The following CPNE2 variants were observed in gnomAD, a reference collection of about 807,000 sequenced individuals.
CPNE2 encodes copine 2, also known as copine-2.
In CPNE2, 42 loss-of-function variants were observed where a neutral mutation model predicts 69.7. The ratio of observed to expected loss-of-function variants is 0.60; its 90% CI spans 0.47 to 0.78. CPNE2 has a LOEUF of 0.78. CPNE2 is among the 30% of genes least tolerant of loss of function. The probability of loss-of-function intolerance (pLI) is 0.00; values close to 1 mark genes in which losing one functional copy is unlikely to be tolerated. For synonymous variants in CPNE2, 294 were observed against 289.8 expected (o/e 1.01, Z -0.15); for missense variants, 587 against 732.0 (o/e 0.80, Z 2.29).
At position 57,110,832 on chromosome 16, in the gene CPNE2, G is replaced by A. The variant is rs2069676933; in HGVS notation, c.90G>A (p.Val30=). 2 of 1,614,028 alleles carry A rather than the reference G, an allele frequency of 1.2e-6. No homozygotes were observed. The highest frequency in any genetic ancestry group is 1.7e-6 in the Non-Finnish European group (2 of 1,179,926). The change falls in exon 2 of 16, where the codon GTG becomes GTA. Residue 30 remains valine, a synonymous_variant. Coordinates refer to ENST00000290776, the MANE Select transcript of CPNE2 (RefSeq NM_152727.6). ...GCGTGTGCAAGGTGGAGCTGTCAGT[G>A]AGTGGCCAGAACCTACTGGACCGGG... ...QYCVCKVELS[V]SGQNLLDRDV... is the part of the protein sequence containing the mutation.
chr16:57,128,286 G>A (rs1403238318), intron 12 of CPNE2, among the ~76,000 whole-genome samples: 1 of 152,122 alleles, frequency 6.6e-6, no homozygotes, highest in Non-Finnish European at 1.5e-5. Context: ...CTGGAGTGCA[G>A]TGGCACAATC....
chr16:57,102,684 C>T (rs565107572), intron 1 of CPNE2, among the ~76,000 whole-genome samples: 66 of 152,068 alleles, frequency 4.3e-4, no homozygotes, highest in African/African-American at 1.5e-3. Flanking sequence ...TCATTGCAAC[C>T]TCCACTTCCC....
At chr16:57,118,332 A>ATTTTTT (rs61283121) in intron 5 of CPNE2, among the ~76,000 whole-genome samples, 8 of 136,606 alleles carry the variant, frequency 5.9e-5, no homozygotes, top group East Asian at 2.1e-4. Context: ...CGCCCAGCTA[A>ATTTTTT]TTTTTTTTTT....
intron 12 of CPNE2, 77 bp downstream of exon 12, chr16:57,127,980 A>T: frequency 6.7e-7 from 1 of 1,487,054 alleles, no homozygotes; most frequent in South Asian, 1.1e-5. Context: ...TCAGCTCTGG[A>T]AAGGTCTTGG....
chr16:57,117,554 G>A lies in CPNE2; in HGVS notation c.494G>A (p.Arg165Lys), dbSNP rs147161575. 1.2e-5 allele frequency: 19 copies of A among 1,613,894 alleles called. No homozygotes were observed. In the African/African-American group the frequency reaches 2.5e-4, roughly 22 times the overall value. The change falls in exon 5 of 16, where the codon AGG becomes AAG. Residue 165 changes from arginine (R) to lysine (K), a missense_variant. Arg to Lys is a conservative substitution (Grantham distance 26). Coordinates refer to ENST00000290776, the MANE Select transcript of CPNE2 (RefSeq NM_152727.6). ...ATCACACTAAGCCTGGCGGGCAGGA[G>A]GCTGGACAAGAAGGTAAGGCGGGCA... ...RVITLSLAGR[R>K]LDKKDLFGKS...
At chr16:57,132,207 C>G (rs2069843187) in intron 12 of CPNE2, among the ~76,000 whole-genome samples, 1 of 152,194 alleles carries the variant, frequency 6.6e-6, no homozygotes, top group Non-Finnish European at 1.5e-5. Context: ...CAGTTTCTCC[C>G]TGAGGGTGGC....
At chr16:57,103,508 C>G (rs2069628691) in intron 1 of CPNE2, among the ~76,000 whole-genome samples, 1 of 152,204 alleles carries the variant, frequency 6.6e-6, no homozygotes, top group Admixed American at 6.5e-5. Context: ...ACAGGACATC[C>G]CACTGTGGTC....
chr16:57,135,052 T>G (rs1157737800), intron 13 of CPNE2, among the ~76,000 whole-genome samples: 1 of 152,206 alleles, frequency 6.6e-6, no homozygotes, highest in Non-Finnish European at 1.5e-5. Flanking sequence ...GAAAGGTCAC[T>G]GTACCTCCTG....
intron 1 of CPNE2, among the ~76,000 whole-genome samples, chr16:57,108,131 A>G (rs1336496810): frequency 1.3e-5 from 2 of 152,070 alleles, no homozygotes; most frequent in African/African-American, 4.8e-5. Context: ...GGGCCTCCCA[A>G]AGTGCTGGGA....
At chr16:57,134,027 T>C (rs1283819574) in intron 12 of CPNE2, among the ~76,000 whole-genome samples, 1 of 152,266 alleles carries the variant, frequency 6.6e-6, no homozygotes, top group African/African-American at 2.4e-5. Context: ...GGCACTGCAG[T>C]CTCACCCACA....
intron 13 of CPNE2, among the ~76,000 whole-genome samples, chr16:57,136,168 A>G (rs2069879347): frequency 6.6e-6 from 1 of 152,198 alleles, no homozygotes; most frequent in South Asian, 2.1e-4. Flanking sequence ...TTCTATCATC[A>G]TGAGACCTTT....
In CPNE2 at chr16:57,117,140, C is replaced by T. The variant is rs1490381487; in HGVS notation, c.436-356C>T. ...AGGAAGCTGTGCTCTCTGTGGCTGCCGCAGGGGCAGGAGAAGGCCGGTCAT... is the reference window on the plus strand; with the variant it reads ...AGGAAGCTGTGCTCTCTGTGGCTGCTGCAGGGGCAGGAGAAGGCCGGTCAT... On this transcript the variant is annotated intron_variant, in intron 4 of 15. Coordinates refer to ENST00000290776, the MANE Select transcript of CPNE2 (RefSeq NM_152727.6). Among the ~76,000 whole-genome samples, 8 of 151,976 alleles carry T rather than the reference C, an allele frequency of 5.3e-5. 1 individual carries two copies. Among genetic ancestry groups the T allele is most frequent in the Admixed American group, 2.6e-4 (4 of 15,260 alleles).
At chr16:57,121,047 C>A in intron 7 of CPNE2, 46 bp from the exon 8 acceptor site, 1 of 1,476,492 alleles carries the variant, frequency 6.8e-7, no homozygotes. Flanking sequence ...CTGGAGAGCA[C>A]CTCTTGGGGG....
intron 9 of CPNE2, chr16:57,123,190 A>G: frequency 1.7e-6 from 1 of 571,460 alleles, no homozygotes; most frequent in Non-Finnish European, 3.1e-6. Context: ...GTGTCTGTGT[A>G]TCTGTGGGGT....
intron 1 of CPNE2, among the ~76,000 whole-genome samples, chr16:57,104,512 G>A (rs551154433): frequency 6.6e-6 from 1 of 152,184 alleles, no homozygotes; most frequent in Non-Finnish European, 1.5e-5. Context: ...ATGTGTGCAG[G>A]GGGAGGTGGC....
Position 57,110,850 on chromosome 16 carries a change from G to A in CPNE2, c.108G>A (p.Leu36=). 1 of 1,613,942 alleles carries A rather than the reference G, an allele frequency of 6.2e-7. No individual in the cohort carries two copies. The highest frequency in any genetic ancestry group is 1.3e-5 in the African/African-American group (1 of 75,022). ...TGTCAGTGAGTGGCCAGAACCTACT[G>A]GACCGGGATGTTACCTCCAAGTCCG... The part of the protein sequence containing the change: ...VELSVSGQNL[L]DRDVTSKSDP... Residue 36 remains leucine, a synonymous_variant, in exon 2 of 16, where the codon CTG becomes CTA. Transcript: ENST00000290776.
In CPNE2 at chr16:57,146,351, G is replaced by A. The variant is rs56033855; in HGVS notation, c.1539+30G>A. The A allele has an allele frequency of 2.6e-3, 3,911 of 1,507,898 alleles. 86 individuals are homozygous for A. In the African/African-American group the frequency reaches 0.048, roughly 18 times the overall value. 93.4% of individuals were successfully genotyped at this position (1,507,898 alleles called of 1,614,324 possible). On this transcript the variant is annotated intron_variant, in intron 15 of 15. Coordinates refer to ENST00000290776, the MANE Select transcript of CPNE2 (RefSeq NM_152727.6). This position sits in a 1 kb window ranked among gnomAD's most constrained non-coding sequence, Gnocchi z 4.4. Reference sequence around the variant, plus strand: ...GTGTGGGCCTGGGCTGGGAGGGGGCGGTTACAGGATCCCAGCCACCATAGC... The same window carrying A: ...GTGTGGGCCTGGGCTGGGAGGGGGCAGTTACAGGATCCCAGCCACCATAGC...
chr16:57,147,512 T>C (rs1356211734), intron 15 of CPNE2, 39 bp from the exon 16 acceptor site: 1 of 1,414,004 alleles, frequency 7.1e-7, no homozygotes, highest in Admixed American at 2.0e-5. Flanking sequence ...TTAATCCTTA[T>C]TCTCTCTCTT....
intron 2 of CPNE2, among the ~76,000 whole-genome samples, chr16:57,111,582 G>C (rs1057308490): frequency 6.6e-6 from 1 of 152,240 alleles, no homozygotes; most frequent in Non-Finnish European, 1.5e-5. Flanking sequence ...GTAAGAAACA[G>C]AGAAACAGTG....
Sources: allele counts gnomAD v4.1 joint callset (sites outside exome capture counted in the v4.1 genomes callset), GRCh38; gene constraint gnomAD v4.1.1; non-coding constraint Gnocchi (gnomAD v3.1); transcripts MANE v1.5; gene names NCBI Gene and HGNC (gene_info 2026-07-23, HGNC 2026-07-21).